Variants in USP6NL observed in about 807,000 individuals in gnomAD.
The protein encoded by USP6NL is USP6 N-terminal like, also known as USP6 N-terminal-like protein.
In USP6NL, 26 loss-of-function variants were observed where a neutral mutation model predicts 61.9. That is an observed-to-expected ratio of 0.42 (90% confidence interval 0.31 to 0.58). The LOEUF (loss-of-function observed/expected upper bound fraction) is 0.58. USP6NL is among the 20% of genes least tolerant of loss of function. The probability of loss-of-function intolerance (pLI) is 0.16; values close to 1 mark genes in which losing one functional copy is unlikely to be tolerated. For missense variants in USP6NL, 1,114 were observed against 1,034.3 expected, an observed-to-expected ratio of 1.08 and a Z score of -1.06; for synonymous variants, 432 against 390.1, an observed-to-expected ratio of 1.11 and a Z score of -1.27.
rs187046755 is a variant in USP6NL at position 11,592,512 on chromosome 10, C to T, written c.4+5119G>A. Among the ~76,000 whole-genome samples, 1 of 152,132 alleles carries T rather than the reference C, an allele frequency of 6.6e-6. No homozygotes were observed. Among genetic ancestry groups the T allele is most frequent in the African/African-American group, 2.4e-5 (1 of 41,410 alleles). On this transcript the variant is annotated intron_variant, in intron 2 of 14. Coordinates refer to ENST00000609104, the MANE Select transcript of USP6NL (RefSeq NM_014688.5). The surrounding 1 kb of genome is among the most constrained non-coding windows in gnomAD (Gnocchi z 4.7). Reference sequence around the variant, plus strand: ...AGAATAACATTTAGAACTTTATATTCCCAAATCTAAATTTATCAAACATAA... The same window carrying T: ...AGAATAACATTTAGAACTTTATATTTCCAAATCTAAATTTATCAAACATAA...
rs532990719 is a variant in USP6NL, at chr10:11,528,153, A to C, written c.5-586T>G. On this transcript the variant is annotated intron_variant, in intron 2 of 14. Transcript: ENST00000609104. The surrounding 1 kb of genome is among the most constrained non-coding windows in gnomAD (Gnocchi z 4.6). ...GACACACACACACACACACACACAC[A>C]CACACACCCTTCATCCTTATTAACA... Among the ~76,000 whole-genome samples the C allele has an allele frequency of 6.6e-6, 1 of 151,868 alleles. No individual in the cohort carries two copies. The highest frequency in any genetic ancestry group is 2.4e-5 in the African/African-American group (1 of 41,340).
At chr10:11,583,341 C>G (rs1837852662) in intron 2 of USP6NL, among the ~76,000 whole-genome samples, 1 of 149,712 alleles carries the variant, frequency 6.7e-6, no homozygotes, top group African/African-American at 2.4e-5. Flanking sequence ...GAGCCCGCCA[C>G]TGTGGCCGGC....
intron 2 of USP6NL, among the ~76,000 whole-genome samples, chr10:11,579,030 C>G (rs902094908): frequency 1.3e-5 from 2 of 152,150 alleles, no homozygotes; most frequent in African/African-American, 4.8e-5. Flanking sequence ...TAAACATTTA[C>G]CAGCACAACA....
chr10:11,488,182 C>G (rs746940061), intron 10 of USP6NL, among the ~76,000 whole-genome samples: 1 of 152,150 alleles, frequency 6.6e-6, no homozygotes, highest in South Asian at 2.1e-4. Context: ...GAGGCTGAGG[C>G]GGGAGGTTCA....
chr10:11,584,551 C>T (rs868477485), intron 2 of USP6NL, among the ~76,000 whole-genome samples: 2 of 152,278 alleles, frequency 1.3e-5, no homozygotes, highest in African/African-American at 4.8e-5. Context: ...ACTCTTCCCC[C>T]CTTTCTGAAA....
In USP6NL at chr10:11,493,119, T is replaced by G; in HGVS notation, c.494A>C (p.Lys165Thr). Residue 165 changes from lysine (K) to threonine (T), a missense_variant and splice_region_variant, in exon 8 of 15, where the codon AAG (lysine) becomes ACG (threonine). Lys to Thr is a moderately conservative substitution (Grantham distance 78). Transcript: ENST00000609104. Reference sequence around the variant, plus strand: ...TTTCATAATATTAAACTTTACTCACTTAACACCATATCTGTCTCTAAACAT... The same window carrying G: ...TTTCATAATATTAAACTTTACTCACGTAACACCATATCTGTCTCTAAACAT... ...HIMFRDRYGVKQQSLFHVLAA... is the reference protein window; with the variant it reads ...HIMFRDRYGVTQQSLFHVLAA... 1 of 1,602,006 alleles carries G rather than the reference T, an allele frequency of 6.2e-7. No homozygotes were observed. The highest frequency in any genetic ancestry group is 1.1e-5 in the South Asian group (1 of 88,506).
chr10:11,544,741 G>C (rs970982427), intron 2 of USP6NL, among the ~76,000 whole-genome samples: 2 of 151,800 alleles, frequency 1.3e-5, no homozygotes, highest in Non-Finnish European at 2.9e-5. Flanking sequence ...CACCCGCCTC[G>C]GCCTCCCAAA....
Position 11,495,428 on chromosome 10 carries a change from C to T in USP6NL, c.385-2200G>A, listed in dbSNP as rs549052118. 6.6e-6 allele frequency among the ~76,000 whole-genome samples: 1 copy of T among 152,264 alleles called. No individual in the cohort carries two copies. The highest frequency in any genetic ancestry group is 1.9e-4 in the East Asian group (1 of 5,184). ...CCTCAGCACCTGGATGGCTTGCCGC[C>T]CACACCCTCCCTCCATTCCCATTTT... On this transcript the variant is annotated intron_variant, in intron 7 of 14. Coordinates refer to ENST00000609104, the MANE Select transcript of USP6NL (RefSeq NM_014688.5). The surrounding 1 kb of genome is among the most constrained non-coding windows in gnomAD (Gnocchi z 4.6).
At chr10:11,563,095 G>C (rs903156969) in intron 2 of USP6NL, 1 of 151,998 alleles carries the variant, frequency 6.6e-6, no homozygotes. Context: ...CCATACTGTG[G>C]AATACTACTC....
In USP6NL at chr10:11,465,499, G is replaced by A. The variant is rs1197080214; in HGVS notation, c.1079-1650C>T. On this transcript the variant is annotated intron_variant, in intron 14 of 14. Transcript: ENST00000609104. This position sits in a 1 kb window ranked among gnomAD's most constrained non-coding sequence, Gnocchi z 4.5. ...CCTGCAGAGAGCCACCAACTTTTTAGCTCACATGAAATAATTTAAAATGTC... is the reference window on the plus strand; with the variant it reads ...CCTGCAGAGAGCCACCAACTTTTTAACTCACATGAAATAATTTAAAATGTC... 6.6e-6 allele frequency among the ~76,000 whole-genome samples: 1 copy of A among 152,078 alleles called. No homozygotes were observed. Among genetic ancestry groups the A allele is most frequent in the East Asian group, 1.9e-4 (1 of 5,196 alleles).
intron 2 of USP6NL, among the ~76,000 whole-genome samples, chr10:11,543,284 G>C (rs1425351674): frequency 6.6e-6 from 1 of 152,218 alleles, no homozygotes; most frequent in Admixed American, 6.5e-5. Context: ...GCTCACACCT[G>C]TAATCCCAGC....
chr10:11,591,317 T>C lies in USP6NL; in HGVS notation c.4+6314A>G, dbSNP rs1005399003. 2.0e-5 allele frequency among the ~76,000 whole-genome samples: 3 copies of C among 152,194 alleles called. No homozygotes were observed. The highest frequency in any genetic ancestry group is 4.4e-5 in the Non-Finnish European group (3 of 68,020). On this transcript the variant is annotated intron_variant, in intron 2 of 14. Coordinates refer to ENST00000609104, the MANE Select transcript of USP6NL (RefSeq NM_014688.5). This position sits in a 1 kb window ranked among gnomAD's most constrained non-coding sequence, Gnocchi z 4.7. ...TTTGTGTTGTACTAAAAAAATTTCATTAAAGTTGATTTACATATAAAATTT... is the reference window on the plus strand; with the variant it reads ...TTTGTGTTGTACTAAAAAAATTTCACTAAAGTTGATTTACATATAAAATTT...
At chr10:11,500,021 C>T (rs1834110460) in intron 7 of USP6NL, among the ~76,000 whole-genome samples, 1 of 152,152 alleles carries the variant, frequency 6.6e-6, no homozygotes, top group Non-Finnish European at 1.5e-5. Context: ...TTTGCCAGGA[C>T]ATGGATGGAG....
In USP6NL at chr10:11,501,135, G is replaced by C. The variant is rs749568383; in HGVS notation, c.350C>G (p.Pro117Arg). Residue 117 changes from proline (P) to arginine (R), a missense_variant, in exon 7 of 15, where the codon CCT becomes CGT. Transcript: ENST00000609104. The part of the protein sequence containing the change: ...GEVWALLLEI[P>R]KMKEETRDLY... The stretch of plus-strand genomic sequence containing the variant: ...GTCCCTTGTTTCTTCTTTCATTTTA[G>C]GGATCTCAAGAAGGAGGGCCCAGAC... The C allele has an allele frequency of 1.9e-6, 3 of 1,612,818 alleles. No individual in the cohort carries two copies. The highest frequency in any genetic ancestry group is 2.5e-6 in the Non-Finnish European group (3 of 1,179,488).
intron 2 of USP6NL, among the ~76,000 whole-genome samples, chr10:11,544,423 G>T (rs758316417): frequency 2.0e-5 from 3 of 152,084 alleles, no homozygotes; most frequent in Non-Finnish European, 2.9e-5. Flanking sequence ...GCACTGTCTT[G>T]AAGTCATTCA....
chr10:11,522,310 G>T (rs190348342), intron 4 of USP6NL, among the ~76,000 whole-genome samples: 1 of 152,250 alleles, frequency 6.6e-6, no homozygotes, highest in Non-Finnish European at 1.5e-5. Context: ...TTTCATTGCA[G>T]AATGAATCAA....
intron 4 of USP6NL, among the ~76,000 whole-genome samples, chr10:11,519,631 AAAATAAAC>A (rs921552235): frequency 5.9e-5 from 9 of 152,066 alleles, no homozygotes; most frequent in African/African-American, 2.2e-4. Context: ...ATTCCATCTC[AAAATAAAC>A]AAATAAATAA....
chr10:11,531,745 CAA>C (rs1303654829), intron 2 of USP6NL, among the ~76,000 whole-genome samples: 6 of 148,282 alleles, frequency 4.0e-5, no homozygotes, highest in Non-Finnish European at 7.4e-5. Context: ...TCTAATGTAA[CAA>C]AGTTTCAAAG....
Position 11,585,457 on chromosome 10 carries a change from T to C in USP6NL, c.4+12174A>G, listed in dbSNP as rs61844606. On this transcript the variant is annotated intron_variant, in intron 2 of 14. Transcript: ENST00000609104. This position sits in a 1 kb window ranked among gnomAD's most constrained non-coding sequence, Gnocchi z 4.5. ...AAGGTGGAAGCACGAGGTCAGGAGA[T>C]TGAGACCATCCTGGCTAACACAGTG... is the stretch of plus-strand genomic sequence containing the variant. Among the ~76,000 whole-genome samples, 17,230 of 152,080 alleles carry C rather than the reference T, an allele frequency of 0.11. 1,293 individuals are homozygous for C. The highest frequency in any genetic ancestry group is 0.16 in the East Asian group (823 of 5,164).
Sources: gnomAD v4.1 joint callset for allele counts (sites outside exome capture counted in the v4.1 genomes callset) on GRCh38, gnomAD v4.1.1 for gene constraint, Gnocchi (gnomAD v3.1) non-coding constraint, MANE v1.5 for transcripts, NCBI Gene and HGNC (gene_info 2026-07-23, HGNC 2026-07-21) for gene names.